Variants in PCSK5 observed in about 807,000 individuals in gnomAD.
PCSK5 encodes proprotein convertase subtilisin/kexin type 5.
A neutral mutation model predicts 233.2 loss-of-function variants in PCSK5; 129 were observed. The ratio of observed to expected loss-of-function variants is 0.55; its 90% CI spans 0.48 to 0.64. The LOEUF (loss-of-function observed/expected upper bound fraction) is 0.64, where lower values mean the gene tolerates loss of function less well. PCSK5 is among the 30% of genes least tolerant of loss of function. PCSK5 has a pLI of 0.00. For missense variants in PCSK5, 2,076 were observed against 2,430.1 expected, an observed-to-expected ratio of 0.85 and a Z score of 3.06; for synonymous variants, 825 against 879.2, an observed-to-expected ratio of 0.94 and a Z score of 1.09.
intron 24 of PCSK5, among the ~76,000 whole-genome samples, chr9:76,254,570 T>C (rs1486494626): frequency 6.6e-6 from 1 of 152,236 alleles, no homozygotes; most frequent in African/African-American, 2.4e-5. Flanking sequence ...CAGTGGTCAA[T>C]GCCTTATAGT....
At chr9:76,221,904 G>A (rs1256820894) in intron 20 of PCSK5, among the ~76,000 whole-genome samples, 1 of 152,058 alleles carries the variant, frequency 6.6e-6, no homozygotes, top group African/African-American at 2.4e-5. Flanking sequence ...AAAAGCAATG[G>A]GACCAGGAAG....
intron 35 of PCSK5, among the ~76,000 whole-genome samples, chr9:76,339,797 C>A (rs891706515): frequency 6.6e-6 from 1 of 152,164 alleles, no homozygotes; most frequent in Non-Finnish European, 1.5e-5. Flanking sequence ...CCCGCCTCAA[C>A]CTCCCAAAGT....
chr9:76,194,312 C>G (rs1180497174), intron 20 of PCSK5: 1 of 152,108 alleles, frequency 6.6e-6, no homozygotes, highest in Non-Finnish European at 1.5e-5. Context: ...TGCAGGAAAT[C>G]TCTTCCTGGA....
chr9:75,955,743 A>G, intron 2 of PCSK5, among the ~76,000 whole-genome samples: 1 of 152,232 alleles, frequency 6.6e-6, no homozygotes, highest in East Asian at 1.9e-4. Flanking sequence ...TTTGAATTAA[A>G]TTTAATTTAT....
intron 2 of PCSK5, among the ~76,000 whole-genome samples, chr9:75,970,054 G>GT (rs1372516250): frequency 6.6e-6 from 1 of 151,926 alleles, no homozygotes; most frequent in African/African-American, 2.4e-5. Flanking sequence ...TGTATGTTTA[G>GT]TAGCGATGGG....
rs550502748 is a variant in PCSK5 at position 76,002,935 on chromosome 9, G to T, written c.411+16690G>T. Among the ~76,000 whole-genome samples the T allele has an allele frequency of 5.3e-5, 8 of 152,334 alleles. 1 individual carries two copies. The East Asian group carries it at 1.5e-3, about 29-fold the overall frequency. ...TTCAAGTCTAATACGAAAAAAGTGA[G>T]AGCCTTTGCCTTGGTATGCCGAGAA... On this transcript the variant is annotated intron_variant, in intron 3 of 37. Transcript: ENST00000674117.
At chr9:75,993,942 A>G (rs1174730621) in intron 3 of PCSK5, among the ~76,000 whole-genome samples, 1 of 152,174 alleles carries the variant, frequency 6.6e-6, no homozygotes, top group East Asian at 1.9e-4. Context: ...ACAGAAGAAA[A>G]GCAGGTGTTC....
rs57513234 is a variant in PCSK5, at chr9:76,343,333, T to TTGTGTGTGTG, written c.4966+4920_4966+4929dup. Among the ~76,000 whole-genome samples, 1,025 of 133,826 alleles carry TTGTGTGTGTG rather than the reference T, an allele frequency of 7.7e-3. 11 individuals carry two copies. The highest frequency in any genetic ancestry group is 0.027 in the African/African-American group (934 of 34,112). 87.8% of individuals were successfully genotyped at this position (133,826 alleles called of 152,430 possible). ...GCACACACCACCGCACCTGGGTAAT[T>TTGTGTGTGTG]TGTGTGTGTGTGTGTGTGTGTGTGT... On this transcript the variant is annotated intron_variant, in intron 35 of 37. Coordinates refer to ENST00000674117, the MANE Select transcript of PCSK5 (RefSeq NM_001372043.1).
intron 20 of PCSK5, among the ~76,000 whole-genome samples, chr9:76,190,867 G>C (rs1374278545): frequency 2.6e-5 from 4 of 152,102 alleles, no homozygotes; most frequent in Non-Finnish European, 5.9e-5. Flanking sequence ...ATTGATCTGG[G>C]GTGCAGCCCA....
intron 5 of PCSK5, among the ~76,000 whole-genome samples, chr9:76,034,606 C>T (rs988111471): frequency 2.0e-5 from 3 of 152,122 alleles, no homozygotes; most frequent in Admixed American, 1.3e-4. Flanking sequence ...ATTCCTCCTT[C>T]ACCTCCCACG....
chr9:76,036,814 C>G (rs1218816026), intron 5 of PCSK5, among the ~76,000 whole-genome samples: 1 of 152,184 alleles, frequency 6.6e-6, no homozygotes, highest in Non-Finnish European at 1.5e-5. Flanking sequence ...AATTGGTGGT[C>G]AAGTAGATGA....
At chr9:76,180,543 G>A (rs1021696716) in intron 15 of PCSK5, among the ~76,000 whole-genome samples, 3 of 151,892 alleles carry the variant, frequency 2.0e-5, no homozygotes, top group African/African-American at 7.3e-5. Context: ...ATGTTTCCTG[G>A]GCAGAGCCAA....
At chr9:76,064,815 C>G (rs943880409) in intron 5 of PCSK5, among the ~76,000 whole-genome samples, 1 of 151,766 alleles carries the variant, frequency 6.6e-6, no homozygotes, top group African/African-American at 2.4e-5. Flanking sequence ...AGACGATGGG[C>G]GGCCGGGCAG....
rs139548864 is a variant in PCSK5 at position 75,981,990 on chromosome 9, G to A, written c.298-4142G>A. 1.8e-3 allele frequency among the ~76,000 whole-genome samples: 276 copies of A among 152,316 alleles called. 3 individuals are homozygous for A. Among genetic ancestry groups the A allele is most frequent in the African/African-American group, 5.9e-3 (245 of 41,576 alleles). ...GGCATCCCTCTTATCTCTGTATCCA[G>A]CCACTAGTTTTCTACCTAGAAAGCA... On this transcript the variant is annotated intron_variant, in intron 2 of 37. Coordinates refer to ENST00000674117, the MANE Select transcript of PCSK5 (RefSeq NM_001372043.1).
At chr9:76,093,984 A>G (rs762625045) in intron 7 of PCSK5, among the ~76,000 whole-genome samples, 1 of 152,052 alleles carries the variant, frequency 6.6e-6, no homozygotes, top group Non-Finnish European at 1.5e-5. Context: ...CTTTCTCTCT[A>G]TTTCATGAAT....
intron 1 of PCSK5, among the ~76,000 whole-genome samples, chr9:75,917,639 A>T (rs1297365203): frequency 1.3e-5 from 2 of 152,258 alleles, no homozygotes; most frequent in Non-Finnish European, 2.9e-5. Flanking sequence ...GGAGACACTG[A>T]TAATTTAATG....
chr9:75,932,289 C>T, intron 1 of PCSK5, 90 bp from the exon 2 acceptor site: 1 of 794,696 alleles, frequency 1.3e-6, no homozygotes, highest in Non-Finnish European at 2.1e-6. Flanking sequence ...GTTTTGTGTT[C>T]CTTTTTAAAT....
At chr9:76,265,573 T>C (rs1174301514) in intron 24 of PCSK5, among the ~76,000 whole-genome samples, 1 of 152,102 alleles carries the variant, frequency 6.6e-6, no homozygotes, top group Non-Finnish European at 1.5e-5. Context: ...ATTGAAATAA[T>C]TGGAATATAG....
At chr9:76,005,772 G>A (rs1017146540) in intron 3 of PCSK5, among the ~76,000 whole-genome samples, 1 of 152,134 alleles carries the variant, frequency 6.6e-6, no homozygotes, top group Admixed American at 6.5e-5. Context: ...CTCATTAAGG[G>A]CTAGGATAGT....
Sources: allele counts gnomAD v4.1 joint callset (sites outside exome capture counted in the v4.1 genomes callset), GRCh38; gene constraint gnomAD v4.1.1; transcripts MANE v1.5; gene names NCBI Gene and HGNC (gene_info 2026-07-23, HGNC 2026-07-21).